Variants in RIT2 observed in about 807,000 individuals in gnomAD.
RIT2 encodes GTP-binding protein Rit2.
Under a neutral mutation model 23.7 loss-of-function variants are expected in RIT2, and 24 were observed. That is an observed-to-expected ratio of 1.01 (90% CI 0.73 to 1.43). RIT2 has a LOEUF of 1.43. Ranked by LOEUF, RIT2 falls within the 40% of genes most tolerant of loss-of-function variation. RIT2 has a pLI of 0.00. For synonymous variants in RIT2, 107 were observed against 91.1 expected, an observed-to-expected ratio of 1.17 and a Z score of -0.99; for missense variants, 236 against 266.9, an observed-to-expected ratio of 0.88 and a Z score of 0.81.
chr18:42,852,675 C>T lies in RIT2; in HGVS notation c.426+70897G>A, dbSNP rs565771477. 9.5e-4 allele frequency among the ~76,000 whole-genome samples: 144 copies of T among 152,156 alleles called. No homozygotes were observed. In the Middle Eastern group the frequency reaches 0.014, roughly 14 times the overall value. ...GCCCTTTATAACTTTGTCACCTCTG[C>T]CTTTATAGTTTCTAATTTACATGTC... On this transcript the variant is annotated intron_variant, in intron 4 of 4. Coordinates refer to ENST00000326695, the MANE Select transcript of RIT2 (RefSeq NM_002930.4).
chr18:42,898,668 T>A (rs537384881), intron 4 of RIT2, among the ~76,000 whole-genome samples: 19 of 152,288 alleles, frequency 1.2e-4, no homozygotes, highest in African/African-American at 4.6e-4. Context: ...CCTTTAAGCA[T>A]TTTTTCCTGC....
intron 4 of RIT2, among the ~76,000 whole-genome samples, chr18:42,836,652 T>G (rs894711080): frequency 2.0e-5 from 3 of 152,112 alleles, no homozygotes; most frequent in African/African-American, 7.2e-5. Context: ...AGAAACAATA[T>G]GAACAGTAAT....
chr18:43,006,007 CTT>C (rs966334391), intron 2 of RIT2, among the ~76,000 whole-genome samples: 3 of 151,470 alleles, frequency 2.0e-5, no homozygotes, highest in African/African-American at 7.3e-5. Context: ...TAATTAAAGT[CTT>C]TTTCATAACA....
At chr18:42,841,047 G>A (rs1906754515) in intron 4 of RIT2, among the ~76,000 whole-genome samples, 1 of 152,152 alleles carries the variant, frequency 6.6e-6, no homozygotes, top group African/African-American at 2.4e-5. Context: ...TAGCGAGCAG[G>A]CAGAAATTGG....
chr18:42,898,129 C>T (rs1908380506), intron 4 of RIT2, among the ~76,000 whole-genome samples: 1 of 152,118 alleles, frequency 6.6e-6, no homozygotes, highest in African/African-American at 2.4e-5. Context: ...CGGCCGGGCA[C>T]AATGGCTCGC....
intron 4 of RIT2, among the ~76,000 whole-genome samples, chr18:42,898,389 C>A (rs531659414): frequency 1.3e-5 from 2 of 151,880 alleles, no homozygotes; most frequent in East Asian, 3.9e-4. Flanking sequence ...GTGAGACTGT[C>A]CCAAAACAAA....
At chr18:42,995,387 T>C (rs925201597) in intron 2 of RIT2, among the ~76,000 whole-genome samples, 2 of 152,056 alleles carry the variant, frequency 1.3e-5, no homozygotes, top group Non-Finnish European at 2.9e-5. Context: ...TTAGTCCAGG[T>C]AGACACTTTC....
intron 1 of RIT2, among the ~76,000 whole-genome samples, chr18:43,082,507 G>A (rs918238168): frequency 6.6e-6 from 1 of 152,114 alleles, no homozygotes; most frequent in Non-Finnish European, 1.5e-5. Context: ...GAATCCAGCA[G>A]CATATCAAAA....
chr18:42,880,310 C>G (rs1907854016), intron 4 of RIT2, among the ~76,000 whole-genome samples: 1 of 152,130 alleles, frequency 6.6e-6, no homozygotes, highest in Admixed American at 6.5e-5. Context: ...TCAGTTTTCT[C>G]TACTGCTAGC....
At chr18:42,876,804 G>A (rs1240102206) in intron 4 of RIT2, among the ~76,000 whole-genome samples, 1 of 151,314 alleles carries the variant, frequency 6.6e-6, no homozygotes, top group Non-Finnish European at 1.5e-5. Context: ...TTAATTCTTT[G>A]TTCCCACATC....
intron 3 of RIT2, among the ~76,000 whole-genome samples, chr18:42,961,084 G>A (rs1206405716): frequency 2.0e-5 from 3 of 152,114 alleles, no homozygotes; most frequent in African/African-American, 7.2e-5. Flanking sequence ...GATAAACAGA[G>A]GGGAATTATT....
chr18:43,079,887 G>A (rs1358790613), intron 1 of RIT2, among the ~76,000 whole-genome samples: 1 of 152,186 alleles, frequency 6.6e-6, no homozygotes. Context: ...CTGAGCTTCA[G>A]TGTCAGTCAG....
At chr18:42,944,091 T>G (rs1909668379) in intron 3 of RIT2, among the ~76,000 whole-genome samples, 1 of 152,108 alleles carries the variant, frequency 6.6e-6, no homozygotes, top group Non-Finnish European at 1.5e-5. Context: ...CCTTCCCTAC[T>G]TTGAACTAGC....
chr18:42,900,646 C>T (rs922465465), intron 4 of RIT2, among the ~76,000 whole-genome samples: 1 of 152,020 alleles, frequency 6.6e-6, no homozygotes, highest in African/African-American at 2.4e-5. Context: ...AAAATGTACC[C>T]TTAAATAATT....
intron 2 of RIT2, among the ~76,000 whole-genome samples, chr18:42,988,962 C>T (rs1475644078): frequency 1.3e-5 from 2 of 152,050 alleles, no homozygotes; most frequent in Non-Finnish European, 2.9e-5. Flanking sequence ...GATTTCTCCT[C>T]AAAACTGATT....
At chr18:42,954,770 G>A (rs751075794) in intron 3 of RIT2, among the ~76,000 whole-genome samples, 2 of 152,018 alleles carry the variant, frequency 1.3e-5, no homozygotes, top group Non-Finnish European at 2.9e-5. Flanking sequence ...AGCCCATACC[G>A]TGAATTTGTA....
At chr18:42,970,394 AT>A (rs1910334246) in intron 3 of RIT2, among the ~76,000 whole-genome samples, 1 of 152,068 alleles carries the variant, frequency 6.6e-6, no homozygotes, top group African/African-American at 2.4e-5. Flanking sequence ...TGCTGGAAAG[AT>A]GCTTAGGGTA....
At chr18:43,099,641 G>T (rs1913636585) in intron 1 of RIT2, among the ~76,000 whole-genome samples, 1 of 152,046 alleles carries the variant, frequency 6.6e-6, no homozygotes, top group African/African-American at 2.4e-5. Context: ...AGCATCAGAA[G>T]ATCATAAACA....
chr18:42,942,864 T>C (rs888652833), intron 3 of RIT2, among the ~76,000 whole-genome samples: 2 of 152,144 alleles, frequency 1.3e-5, no homozygotes, highest in Admixed American at 6.5e-5. Context: ...AATGATGTGA[T>C]AGGAAAGCAC....
Sources: gnomAD v4.1 joint callset for allele counts (sites outside exome capture counted in the v4.1 genomes callset) on GRCh38, gnomAD v4.1.1 for gene constraint, MANE v1.5 for transcripts, NCBI Gene and HGNC (gene_info 2026-07-23, HGNC 2026-07-21) for gene names.